TMEM132D: variants seen among roughly 807,000 people sequenced by gnomAD.
TMEM132D encodes the protein mature OL transmembrane protein.
TMEM132D carries 21 observed loss-of-function variants against 62.3 expected under a neutral mutation model. The ratio of observed to expected loss-of-function variants is 0.34; its 90% CI spans 0.24 to 0.49. The LOEUF (loss-of-function observed/expected upper bound fraction) is 0.49. Ranked by LOEUF, TMEM132D falls within the 20% of genes least tolerant of loss-of-function variation. TMEM132D has a pLI of 0.99. For synonymous variants in TMEM132D, 621 were observed against 575.6 expected (o/e 1.08, Z -1.13); for missense variants, 1,346 against 1,402.8 (o/e 0.96, Z 0.65).
chr12:129,477,866 A>G (rs1874316256), intron 3 of TMEM132D, among the ~76,000 whole-genome samples: 1 of 146,082 alleles, frequency 6.8e-6, no homozygotes, highest in Non-Finnish European at 1.5e-5. Flanking sequence ...ACACATATAC[A>G]GAGAGAGAGA....
At position 129,510,947 on chromosome 12, in the gene TMEM132D, A is replaced by G. The variant is rs1257283246; in HGVS notation, c.1115+20112T>C. On this transcript the variant is annotated intron_variant, in intron 3 of 8. Transcript: ENST00000422113. ...CCAGTACCATGCGGTTTAGGTTACT[A>G]TAGCTCAGTAGTATAATTTGAAGTT... Among the ~76,000 whole-genome samples, 5 of 152,276 alleles carry G rather than the reference A, an allele frequency of 3.3e-5. No individual in the cohort carries two copies. The South Asian group carries it at 1.0e-3, about 32-fold the overall frequency.
chr12:129,540,735 C>T (rs1405465853), intron 2 of TMEM132D, among the ~76,000 whole-genome samples: 3 of 152,150 alleles, frequency 2.0e-5, no homozygotes, highest in Non-Finnish European at 4.4e-5. Context: ...GATCCACCTG[C>T]CACCTTGGCC....
intron 1 of TMEM132D, among the ~76,000 whole-genome samples, chr12:129,855,338 A>G (rs377407316): frequency 0.013 from 291 of 22,414 alleles, 28 homozygotes; most frequent in Admixed American, 0.023. Context: ...GGGTGCCCTT[A>G]TAACAGAGTC....
chr12:129,265,773 A>C (rs747572103), intron 4 of TMEM132D, among the ~76,000 whole-genome samples: 3 of 151,676 alleles, frequency 2.0e-5, no homozygotes, highest in Non-Finnish European at 1.5e-5. Context: ...CTCTTCCTTC[A>C]CATGTCATGT....
chr12:129,854,137 A>C (rs1593187241), intron 1 of TMEM132D, among the ~76,000 whole-genome samples: 1 of 152,182 alleles, frequency 6.6e-6, no homozygotes, highest in South Asian at 2.1e-4. Flanking sequence ...TTCTAAGTGC[A>C]CAATGCTTAA....
At chr12:129,340,482 G>A (rs1287714332) in intron 3 of TMEM132D, among the ~76,000 whole-genome samples, 2 of 137,782 alleles carry the variant, frequency 1.5e-5, no homozygotes, top group African/African-American at 2.8e-5. Flanking sequence ...AATAGGCCCC[G>A]GTGTGTGATG....
intron 2 of TMEM132D, among the ~76,000 whole-genome samples, chr12:129,567,990 G>T (rs1165156570): frequency 6.6e-6 from 1 of 152,200 alleles, no homozygotes; most frequent in African/African-American, 2.4e-5. Flanking sequence ...TGAGTAGTGA[G>T]CAGTTCAGGA....
intron 3 of TMEM132D, among the ~76,000 whole-genome samples, chr12:129,359,546 TAAAAA>T (rs779177679): frequency 2.0e-5 from 3 of 152,116 alleles, no homozygotes; most frequent in Non-Finnish European, 4.4e-5. Context: ...TTTTTGAACT[TAAAAA>T]GAAAAGAATA....
chr12:129,304,322 C>T (rs888990257), intron 4 of TMEM132D, among the ~76,000 whole-genome samples: 3 of 152,152 alleles, frequency 2.0e-5, no homozygotes, highest in Non-Finnish European at 4.4e-5. Context: ...CAGGTCATGG[C>T]CTGAACAATC....
intron 3 of TMEM132D, among the ~76,000 whole-genome samples, chr12:129,424,204 A>T (rs1872411858): frequency 3.0e-5 from 1 of 32,938 alleles, no homozygotes; most frequent in Non-Finnish European, 6.6e-5. Flanking sequence ...TTTTTTTGTA[A>T]AAAAAAAAAA....
chr12:129,728,367 A>G (rs1869110545), intron 1 of TMEM132D, among the ~76,000 whole-genome samples: 1 of 152,194 alleles, frequency 6.6e-6, no homozygotes, highest in African/African-American at 2.4e-5. Context: ...TTTGCTTCTG[A>G]GTGAGAACAG....
At chr12:129,151,709 G>T (rs1877077644) in intron 5 of TMEM132D, among the ~76,000 whole-genome samples, 1 of 152,086 alleles carries the variant, frequency 6.6e-6, no homozygotes, top group Non-Finnish European at 1.5e-5. Context: ...TCATTACCCG[G>T]CAGCTAAAAG....
intron 1 of TMEM132D, among the ~76,000 whole-genome samples, chr12:129,900,778 G>A (rs1875325827): frequency 6.6e-6 from 1 of 152,150 alleles, no homozygotes; most frequent in African/African-American, 2.4e-5. Flanking sequence ...TGCCAGCAAA[G>A]CTAGACCTTA....
chr12:129,611,310 A>G (rs1432717689), intron 2 of TMEM132D, among the ~76,000 whole-genome samples: 3 of 152,182 alleles, frequency 2.0e-5, no homozygotes, highest in African/African-American at 7.2e-5. Context: ...TGTATTTTTC[A>G]TGGTAATTAA....
chr12:129,318,704 T>A (rs1396278575), intron 4 of TMEM132D, among the ~76,000 whole-genome samples: 1 of 152,114 alleles, frequency 6.6e-6, no homozygotes, highest in Non-Finnish European at 1.5e-5. Flanking sequence ...TTGTGTTCCA[T>A]TACCAGGGTG....
chr12:129,341,424 C>G (rs75985004), intron 3 of TMEM132D, among the ~76,000 whole-genome samples: 3,736 of 152,236 alleles, frequency 0.025, 194 homozygotes, highest in East Asian at 0.23. Context: ...ACAAATAAAG[C>G]AATGTCCAGG....
intron 2 of TMEM132D, among the ~76,000 whole-genome samples, chr12:129,689,143 C>T (rs1376127074): frequency 6.6e-6 from 1 of 151,786 alleles, no homozygotes; most frequent in Admixed American, 6.6e-5. Flanking sequence ...CTATTCTACT[C>T]AAACCAACCC....
chr12:129,508,993 T>C (rs981668391), intron 3 of TMEM132D, among the ~76,000 whole-genome samples: 1 of 152,152 alleles, frequency 6.6e-6, no homozygotes, highest in African/African-American at 2.4e-5. Flanking sequence ...TGAACTAAAA[T>C]GTATCTGAAG....
intron 3 of TMEM132D, among the ~76,000 whole-genome samples, chr12:129,338,399 A>T (rs1454211060): frequency 1.3e-5 from 2 of 152,210 alleles, no homozygotes; most frequent in Non-Finnish European, 2.9e-5. Flanking sequence ...GATGGGAGTC[A>T]TTGCGACAAA....
Sources: gnomAD v4.1 joint callset for allele counts (sites outside exome capture counted in the v4.1 genomes callset) on GRCh38, gnomAD v4.1.1 for gene constraint, MANE v1.5 for transcripts, NCBI Gene and HGNC (gene_info 2026-07-23, HGNC 2026-07-21) for gene names.